ANKS1A: variants seen among roughly 807,000 people sequenced by gnomAD.
ANKS1A encodes ankyrin repeat and SAM domain-containing protein 1A.
ANKS1A carries 55 observed loss-of-function variants against 120.3 expected under a neutral mutation model. The ratio of observed to expected loss-of-function variants is 0.46; its 90% CI spans 0.37 to 0.57. The LOEUF is 0.57. Among genes scored for constraint, ANKS1A ranks in the 20% least tolerant of loss-of-function variants. ANKS1A has a pLI of 0.00. For synonymous variants in ANKS1A, 590 were observed against 604.7 expected, an observed-to-expected ratio of 0.98 and a Z score of 0.36; for missense variants, 1,123 against 1,480.3, an observed-to-expected ratio of 0.76 and a Z score of 3.96.
chr6:35,039,408 G>T (rs1386114862), intron 11 of ANKS1A, among the ~76,000 whole-genome samples: 3 of 151,998 alleles, frequency 2.0e-5, no homozygotes, highest in Non-Finnish European at 4.4e-5. Flanking sequence ...TGTTGGTCAG[G>T]CTGGTCTTGA....
intron 10 of ANKS1A, among the ~76,000 whole-genome samples, chr6:35,017,055 T>C (rs1302475737): frequency 6.6e-6 from 1 of 151,102 alleles, no homozygotes; most frequent in Non-Finnish European, 1.5e-5. Context: ...TGGGTCTCCC[T>C]GCTCGCGCTT....
chr6:34,994,320 A>T lies in ANKS1A; in HGVS notation c.1321A>T (p.Arg441Trp), dbSNP rs768626954. The change falls in exon 10 of 24, where the codon AGG becomes TGG. Residue 441 changes from arginine to tryptophan, a missense_variant. Physicochemically the swap from Arg to Trp is moderately radical, Grantham distance 101. Around this residue, in one of 3 missense-constraint regions of ANKS1A, gnomAD observed 904 missense variants for 1,130.4 expected, o/e 0.80. Transcript: ENST00000360359. ...TASEVLSMRP[R>W]IHGSAAREED... ...CCCTTAGGTTCTGTCCATGAGACCT[A>T]GGATTCATGGGAGTGCAGCCCGGGA... 1 of 1,613,506 alleles carries T rather than the reference A, an allele frequency of 6.2e-7. No homozygotes were observed.
At chr6:35,016,594 G>A (rs189040137) in intron 10 of ANKS1A, among the ~76,000 whole-genome samples, 1 of 152,288 alleles carries the variant, frequency 6.6e-6, no homozygotes, top group East Asian at 1.9e-4. Context: ...CTGGCCTCAT[G>A]AGCTAGTAGT....
chr6:35,049,649 G>A (rs527588003), intron 11 of ANKS1A, among the ~76,000 whole-genome samples: 18 of 152,158 alleles, frequency 1.2e-4, no homozygotes, highest in Non-Finnish European at 8.8e-5. Context: ...GTGTTAGGAG[G>A]GAATGTCTGA....
At chr6:35,080,909 G>A (rs990314405) in intron 16 of ANKS1A, 85 bp from the exon 17 acceptor site, 55 of 1,525,610 alleles carry the variant, frequency 3.6e-5, no homozygotes, top group African/African-American at 3.4e-4. Flanking sequence ...TGCCTGTGCC[G>A]TCCTAACCAG....
chr6:34,914,042 C>T lies in ANKS1A; in HGVS notation c.197+24443C>T, dbSNP rs138311367. On this transcript the variant is annotated intron_variant, in intron 1 of 23. Transcript: ENST00000360359. ...ATGTCATTCTCCCGCCTCAGCCTCC[C>T]GAGTAGCTGGGACTACAGGTGCCTG... Among the ~76,000 whole-genome samples, 1,331 of 152,294 alleles carry T rather than the reference C, an allele frequency of 8.7e-3. 22 individuals are homozygous for T. The highest frequency in any genetic ancestry group is 0.03 in the African/African-American group (1,246 of 41,550).
chr6:35,019,571 G>A (rs1302611243), intron 11 of ANKS1A, among the ~76,000 whole-genome samples: 1 of 152,228 alleles, frequency 6.6e-6, no homozygotes, highest in Admixed American at 6.5e-5. Flanking sequence ...TGTGCTAGAT[G>A]CCTGGCCACT....
intron 8 of ANKS1A, among the ~76,000 whole-genome samples, chr6:34,986,245 T>C (rs1171678576): frequency 6.6e-6 from 1 of 152,236 alleles, no homozygotes; most frequent in Admixed American, 6.5e-5. Context: ...GTTGAAACAT[T>C]GTACCATCGC....
At chr6:35,083,989 A>C in intron 20 of ANKS1A, 132 bp from the exon 21 acceptor site, 7 of 1,385,208 alleles carry the variant, frequency 5.1e-6, no homozygotes, top group Non-Finnish European at 5.9e-6. Context: ...AAACAAAATG[A>C]GAAGATGAAG....
At chr6:34,943,023 A>G (rs1011255872) in intron 1 of ANKS1A, among the ~76,000 whole-genome samples, 1 of 145,540 alleles carries the variant, frequency 6.9e-6, no homozygotes, top group South Asian at 2.1e-4. Context: ...GCTGGAGTGT[A>G]GTAGTACAGT....
In ANKS1A at chr6:35,082,711, G is replaced by A. The variant is rs1426725026; in HGVS notation, c.2730G>A (p.Lys910=). Residue 910 remains lysine (K), a synonymous_variant, in exon 18 of 24, where the codon AAG becomes AAA. Coordinates refer to ENST00000360359, the MANE Select transcript of ANKS1A (RefSeq NM_015245.3). The surrounding 1 kb of genome is among the most constrained non-coding windows in gnomAD (Gnocchi z 4.1). Reference sequence around the variant, plus strand: ...CGCAGGAGGAGCACCGTGAGGCCAAGCTGACCCTGCGGCCCCCGAGCCTGG... The same window carrying A: ...CGCAGGAGGAGCACCGTGAGGCCAAACTGACCCTGCGGCCCCCGAGCCTGG... The part of the protein sequence containing the change: ...FRIQEEHREA[K]LTLRPPSLAA... 6.2e-7 allele frequency: 1 copy of A among 1,612,266 alleles called. No homozygotes were observed. Among genetic ancestry groups the A allele is most frequent in the Non-Finnish European group, 8.5e-7 (1 of 1,179,280 alleles).
chr6:35,015,803 C>T (rs943374970), intron 10 of ANKS1A, among the ~76,000 whole-genome samples: 2 of 152,208 alleles, frequency 1.3e-5, no homozygotes, highest in African/African-American at 2.4e-5. Context: ...AGGAGAGTAG[C>T]GTCATGCTTG....
At chr6:35,069,628 C>T (rs557047614) in intron 13 of ANKS1A, among the ~76,000 whole-genome samples, 7 of 151,894 alleles carry the variant, frequency 4.6e-5, no homozygotes, top group Non-Finnish European at 1.0e-4. Flanking sequence ...GCAGCCCTGA[C>T]CCCCCAGGCT....
chr6:35,095,234 A>C (rs927316196), downstream of ANKS1A, among the ~76,000 whole-genome samples: 1 of 152,108 alleles, frequency 6.6e-6, no homozygotes, highest in African/African-American at 2.4e-5. Flanking sequence ...CAAGAAGCCA[A>C]GCAAATCCCA....
chr6:34,990,859 A>C (rs1212920322), intron 9 of ANKS1A, among the ~76,000 whole-genome samples: 1 of 152,170 alleles, frequency 6.6e-6, no homozygotes, highest in African/African-American at 2.4e-5. Flanking sequence ...AAGATGGTGA[A>C]ACACTGAATT....
intron 1 of ANKS1A, among the ~76,000 whole-genome samples, chr6:34,934,240 CG>C (rs1413286870): frequency 6.6e-6 from 1 of 152,090 alleles, no homozygotes; most frequent in Admixed American, 6.5e-5. Context: ...CTCCACCTCC[CG>C]GGTTCACGCC....
chr6:35,054,800 AT>A (rs1229090964), intron 12 of ANKS1A, among the ~76,000 whole-genome samples: 1 of 152,142 alleles, frequency 6.6e-6, no homozygotes, highest in Non-Finnish European at 1.5e-5. Flanking sequence ...GTTTTATCTG[AT>A]GATAGGATTG....
chr6:35,026,205 G>C (rs2127565541), intron 11 of ANKS1A, among the ~76,000 whole-genome samples: 1 of 152,342 alleles, frequency 6.6e-6, no homozygotes, highest in South Asian at 2.1e-4. Context: ...GTAGGATACA[G>C]AGTGCGTGAT....
rs34002253 is a variant in ANKS1A at position 34,976,777 on chromosome 6, CGTGTGTGTGT to C, written c.436-4900_436-4891del. ...TGCTTTTTCTCTTTCTGTGTGTGTG[CGTGTGTGTGT>C]GTGTGTGTGTGTATGCAATAATTGT... On this transcript the variant is annotated intron_variant, in intron 3 of 23. Transcript: ENST00000360359. Among the ~76,000 whole-genome samples the C allele has an allele frequency of 7.4e-3, 1,112 of 149,388 alleles. 17 individuals are homozygous for C. Among genetic ancestry groups the C allele is most frequent in the African/African-American group, 0.026 (1,056 of 40,616 alleles).
Sources: gnomAD v4.1 joint callset for allele counts (sites outside exome capture counted in the v4.1 genomes callset) on GRCh38, gnomAD v4.1.1 for gene constraint, gnomAD v4.1.1 regional missense constraint, Gnocchi (gnomAD v3.1) non-coding constraint, MANE v1.5 for transcripts, NCBI Gene and HGNC (gene_info 2026-07-23, HGNC 2026-07-21) for gene names.